RAPGEF4: variants seen among roughly 807,000 people sequenced by gnomAD.
RAPGEF4 encodes the protein Rap guanine nucleotide exchange factor 4.
RAPGEF4 carries 66 observed loss-of-function variants against 147.9 expected under a neutral mutation model. That is an observed-to-expected ratio of 0.45 (90% CI 0.37 to 0.55). The LOEUF (loss-of-function observed/expected upper bound fraction) is 0.55. RAPGEF4 is among the 20% of genes least tolerant of loss of function. The pLI, the probability that RAPGEF4 is intolerant of heterozygous loss-of-function variation, is 0.00. For missense variants in RAPGEF4, 1,071 were observed against 1,257.3 expected, an observed-to-expected ratio of 0.85 and a Z score of 2.24; for synonymous variants, 419 against 442.7, an observed-to-expected ratio of 0.95 and a Z score of 0.67.
chr2:172,976,521 G>T (rs918029414), intron 10 of RAPGEF4, among the ~76,000 whole-genome samples: 8 of 152,200 alleles, frequency 5.3e-5, no homozygotes, highest in Admixed American at 1.3e-4. Context: ...CAAAAATAAA[G>T]CATCCCCCAC....
At chr2:172,819,551 C>T (rs571248024) in intron 4 of RAPGEF4, among the ~76,000 whole-genome samples, 234 of 139,558 alleles carry the variant, frequency 1.7e-3, no homozygotes, top group Non-Finnish European at 2.2e-3. Context: ...CTGCAAGCTC[C>T]GCCTCCCGGG....
chr2:172,853,724 T>A (rs878943696), intron 4 of RAPGEF4, among the ~76,000 whole-genome samples: 1 of 152,024 alleles, frequency 6.6e-6, no homozygotes, highest in Non-Finnish European at 1.5e-5. Flanking sequence ...AATTTTGATA[T>A]GTTACATTTT....
intron 4 of RAPGEF4, chr2:172,917,348 C>T (rs1212192106): frequency 4.7e-6 from 2 of 427,044 alleles, no homozygotes; most frequent in Non-Finnish European, 9.3e-6. Flanking sequence ...TCAAAAAAGA[C>T]ATTTTTCTCA....
At chr2:172,881,879 T>G (rs1053679723) in intron 4 of RAPGEF4, among the ~76,000 whole-genome samples, 1 of 152,200 alleles carries the variant, frequency 6.6e-6, no homozygotes, top group East Asian at 1.9e-4. Context: ...CTAAAACTGT[T>G]GTGAAGCTAC....
At chr2:172,961,301 T>G in intron 8 of RAPGEF4, 73 bp downstream of exon 8, 1 of 1,237,474 alleles carries the variant, frequency 8.1e-7, no homozygotes, top group African/African-American at 1.5e-5. Flanking sequence ...AAAATGCTTC[T>G]CCCTGTTTTC....
chr2:173,022,863 T>C (rs1331042613), intron 23 of RAPGEF4, among the ~76,000 whole-genome samples: 1 of 152,244 alleles, frequency 6.6e-6, no homozygotes, highest in Non-Finnish European at 1.5e-5. Context: ...TAAGTATAAA[T>C]ATCAGTACAG....
At chr2:172,746,234 C>T (rs930052222) in intron 1 of RAPGEF4, among the ~76,000 whole-genome samples, 2 of 152,188 alleles carry the variant, frequency 1.3e-5, no homozygotes, top group Non-Finnish European at 2.9e-5. Context: ...TCTTGTTTGG[C>T]TATCATTTGA....
chr2:172,960,728 A>G, intron 6 of RAPGEF4, 32 bp from the exon 7 acceptor site: 2 of 1,543,940 alleles, frequency 1.3e-6, no homozygotes, highest in Non-Finnish European at 1.8e-6. Context: ...TTTTTGTTTA[A>G]TTTTCTTTTG....
At chr2:172,761,680 G>A (rs1457712640) in intron 1 of RAPGEF4, among the ~76,000 whole-genome samples, 2 of 152,134 alleles carry the variant, frequency 1.3e-5, no homozygotes, top group Non-Finnish European at 2.9e-5. Flanking sequence ...GAAGGAACAT[G>A]GAAAGAGTAA....
At chr2:172,773,651 C>T (rs952631385) in intron 1 of RAPGEF4, among the ~76,000 whole-genome samples, 3 of 135,232 alleles carry the variant, frequency 2.2e-5, no homozygotes, top group Admixed American at 2.2e-4. Context: ...ACTGCCCCCC[C>T]CGCGGACCAT....
At chr2:172,872,228 T>G (rs913798409) in intron 4 of RAPGEF4, among the ~76,000 whole-genome samples, 3 of 152,232 alleles carry the variant, frequency 2.0e-5, no homozygotes, top group Non-Finnish European at 2.9e-5. Flanking sequence ...TCTTTACTAG[T>G]TCTTTTAGCA....
chr2:172,917,584 C>A, intron 4 of RAPGEF4: 1 of 684,064 alleles, frequency 1.5e-6, no homozygotes, highest in Non-Finnish European at 2.7e-6. Flanking sequence ...GATAGAACCC[C>A]TGCCCCCGGG....
chr2:173,000,944 C>G (rs906533941), intron 16 of RAPGEF4, among the ~76,000 whole-genome samples: 1 of 151,084 alleles, frequency 6.6e-6, no homozygotes, highest in African/African-American at 2.4e-5. Context: ...TGTCTTCGTT[C>G]TGCATGTATG....
At chr2:172,805,425 T>C (rs1012215456) in intron 3 of RAPGEF4, among the ~76,000 whole-genome samples, 1 of 152,240 alleles carries the variant, frequency 6.6e-6, no homozygotes, top group Non-Finnish European at 1.5e-5. Flanking sequence ...CTATAAATTA[T>C]ATTTATTTCA....
At position 173,043,887 on chromosome 2, in the gene RAPGEF4, C is replaced by T. The variant is rs190540244; in HGVS notation, c.2854-4713C>T. On this transcript the variant is annotated intron_variant, in intron 29 of 30. Coordinates refer to ENST00000397081, the MANE Select transcript of RAPGEF4 (RefSeq NM_007023.4). ...GGCCGAGGTGCAGACAGTGGTCACC[C>T]CTTCCTCTGGATGCTGTCTTTGTAC... is the stretch of plus-strand genomic sequence containing the variant. 3.2e-4 allele frequency among the ~76,000 whole-genome samples: 48 copies of T among 152,350 alleles called. 1 individual carries two copies. The East Asian group carries it at 8.7e-3, about 28-fold the overall frequency.
intron 18 of RAPGEF4, among the ~76,000 whole-genome samples, chr2:173,015,930 A>G (rs1695472140): frequency 6.6e-6 from 1 of 152,240 alleles, no homozygotes; most frequent in Admixed American, 6.5e-5. Flanking sequence ...AACTAAAAAA[A>G]GCACTCTTTT....
chr2:173,029,175 T>C (rs1696942995), intron 25 of RAPGEF4, among the ~76,000 whole-genome samples: 1 of 152,226 alleles, frequency 6.6e-6, no homozygotes, highest in Non-Finnish European at 1.5e-5. Flanking sequence ...CTAGCTTCTC[T>C]GAAATATGTT....
In RAPGEF4 at chr2:172,953,568, A is replaced by G. The variant is rs529651449; in HGVS notation, c.538-7192A>G. ...AAATAATCCCCTTCCCCCACTGACC[A>G]CTATTAACTGTGTTCTCTCTGGTAC... On this transcript the variant is annotated intron_variant, in intron 6 of 30. Transcript: ENST00000397081. Among the ~76,000 whole-genome samples the G allele has an allele frequency of 2.4e-3, 358 of 152,162 alleles. 1 individual carries two copies. The highest frequency in any genetic ancestry group is 3.9e-3 in the South Asian group (19 of 4,828).
At chr2:173,036,485 C>T in intron 28 of RAPGEF4, 143 bp from the exon 29 acceptor site, 3 of 692,278 alleles carry the variant, frequency 4.3e-6, no homozygotes, top group Non-Finnish European at 7.3e-6. Flanking sequence ...AAGTTAAACA[C>T]CTAGCATTAA....
Sources: allele counts gnomAD v4.1 joint callset (sites outside exome capture counted in the v4.1 genomes callset), GRCh38; gene constraint gnomAD v4.1.1; transcripts MANE v1.5; gene names NCBI Gene and HGNC (gene_info 2026-07-23, HGNC 2026-07-21).